LRRTM4: variants seen among roughly 807,000 people sequenced by gnomAD.
The protein encoded by LRRTM4 is leucine rich repeat transmembrane neuronal 4, also known as leucine-rich repeat transmembrane neuronal protein 4.
In LRRTM4, 25 loss-of-function variants were observed where a neutral mutation model predicts 47.6. The observed-to-expected ratio is 0.53, with a 90% CI of 0.38 to 0.73. The LOEUF is 0.73. LRRTM4 is among the 30% of genes least tolerant of loss of function. The pLI is 0.00. For missense variants in LRRTM4, 638 were observed against 713.4 expected, an observed-to-expected ratio of 0.89 and a Z score of 1.20; for synonymous variants, 311 against 269.5, an observed-to-expected ratio of 1.15 and a Z score of -1.51.
At chr2:77,135,871 A>G (rs1166203322) in intron 3 of LRRTM4, among the ~76,000 whole-genome samples, 1 of 152,244 alleles carries the variant, frequency 6.6e-6, no homozygotes, top group Non-Finnish European at 1.5e-5. Context: ...GAATAAATAA[A>G]TAAATTTTTA....
At chr2:76,753,688 G>A (rs1261666876) in intron 3 of LRRTM4, among the ~76,000 whole-genome samples, 1 of 152,026 alleles carries the variant, frequency 6.6e-6, no homozygotes, top group African/African-American at 2.4e-5. Flanking sequence ...GGACTATGTG[G>A]AGTTTCACAA....
At chr2:77,179,194 C>G (rs563312773) in intron 3 of LRRTM4, among the ~76,000 whole-genome samples, 17 of 152,208 alleles carry the variant, frequency 1.1e-4, no homozygotes, top group African/African-American at 3.6e-4. Flanking sequence ...AGAAGCAAAA[C>G]TTAGATCTTT....
intron 3 of LRRTM4, among the ~76,000 whole-genome samples, chr2:76,868,693 T>C (rs1037191950): frequency 1.1e-4 from 16 of 152,164 alleles, no homozygotes; most frequent in African/African-American, 3.9e-4. Context: ...TCAGTGGATT[T>C]GCAATAGGTA....
At chr2:77,103,589 C>G (rs1257561020) in intron 3 of LRRTM4, among the ~76,000 whole-genome samples, 2 of 149,116 alleles carry the variant, frequency 1.3e-5, no homozygotes, top group East Asian at 4.0e-4. Context: ...GCTAAAATTG[C>G]ATGTTGTTTT....
At chr2:76,880,650 A>G (rs944301517) in intron 3 of LRRTM4, among the ~76,000 whole-genome samples, 2 of 152,144 alleles carry the variant, frequency 1.3e-5, no homozygotes, top group East Asian at 1.9e-4. Context: ...CAAAACACAA[A>G]AAACCTCTGT....
At chr2:77,515,987 C>A (rs928496886) in intron 3 of LRRTM4, among the ~76,000 whole-genome samples, 1 of 151,726 alleles carries the variant, frequency 6.6e-6, no homozygotes. Context: ...TGTATGCTTT[C>A]GTTTTAAAAC....
intron 3 of LRRTM4, among the ~76,000 whole-genome samples, chr2:77,027,280 T>C (rs994239958): frequency 6.6e-6 from 1 of 152,166 alleles, no homozygotes; most frequent in Non-Finnish European, 1.5e-5. Context: ...GATGCTTTAA[T>C]CTGAGGATTA....
chr2:77,292,154 C>A (rs1202469388), intron 3 of LRRTM4, among the ~76,000 whole-genome samples: 10 of 151,312 alleles, frequency 6.6e-5, no homozygotes, highest in African/African-American at 2.4e-4. Context: ...GAGATACCAT[C>A]TCACACCAGT....
chr2:77,021,831 C>A (rs1558802828), intron 3 of LRRTM4, among the ~76,000 whole-genome samples: 1 of 152,068 alleles, frequency 6.6e-6, no homozygotes, highest in Non-Finnish European at 1.5e-5. Flanking sequence ...AGGTGCACAA[C>A]ATGATGATTT....
intron 3 of LRRTM4, among the ~76,000 whole-genome samples, chr2:76,849,714 C>T (rs1573208252): frequency 6.6e-6 from 1 of 151,934 alleles, no homozygotes; most frequent in African/African-American, 2.4e-5. Flanking sequence ...TCCTTTAAAA[C>T]AAATGCTTGC....
intron 3 of LRRTM4, among the ~76,000 whole-genome samples, chr2:76,845,553 G>C (rs573609592): frequency 6.6e-6 from 1 of 152,262 alleles, no homozygotes; most frequent in South Asian, 2.1e-4. Flanking sequence ...CTGGAGGCTG[G>C]AAAGGGATGG....
chr2:77,202,496 C>A (rs186543727), intron 3 of LRRTM4, among the ~76,000 whole-genome samples: 1 of 152,060 alleles, frequency 6.6e-6, no homozygotes. Flanking sequence ...TCAGTTACTT[C>A]TTTGGAAGTG....
At chr2:77,280,283 G>A (rs771716131) in intron 3 of LRRTM4, among the ~76,000 whole-genome samples, 13 of 151,938 alleles carry the variant, frequency 8.6e-5, no homozygotes, top group Non-Finnish European at 1.3e-4. Context: ...AGAGCCTCCC[G>A]AAGAAATGTG....
At chr2:76,889,061 G>A (rs548892751) in intron 3 of LRRTM4, among the ~76,000 whole-genome samples, 30 of 151,760 alleles carry the variant, frequency 2.0e-4, no homozygotes, top group African/African-American at 6.8e-4. Context: ...ACATCACAAA[G>A]GCTAAAAATC....
chr2:77,362,125 G>GAAAGAAAGA (rs574393546), intron 3 of LRRTM4, among the ~76,000 whole-genome samples: 1,473 of 120,082 alleles, frequency 0.012, 13 homozygotes, highest in Middle Eastern at 0.035. Flanking sequence ...GAGAAAGAAA[G>GAAAGAAAGA]AAAGAAAGAA....
intron 3 of LRRTM4, among the ~76,000 whole-genome samples, chr2:77,434,923 G>A (rs1675531203): frequency 6.6e-6 from 1 of 151,920 alleles, no homozygotes; most frequent in Non-Finnish European, 1.5e-5. Flanking sequence ...TATATTGAAG[G>A]TTGTGTTTCC....
intron 3 of LRRTM4, among the ~76,000 whole-genome samples, chr2:77,382,341 A>G (rs982012584): frequency 2.1e-4 from 32 of 152,132 alleles, no homozygotes; most frequent in African/African-American, 6.5e-4. Flanking sequence ...AATTTCTCCC[A>G]GAAACCCTGC....
chr2:76,861,415 C>G (rs1672308179), intron 3 of LRRTM4, among the ~76,000 whole-genome samples: 1 of 152,032 alleles, frequency 6.6e-6, no homozygotes, highest in South Asian at 2.1e-4. Flanking sequence ...TCACTTACCT[C>G]CAAGACGAAT....
At chr2:77,126,673 G>A (rs960534062) in intron 3 of LRRTM4, among the ~76,000 whole-genome samples, 2 of 152,184 alleles carry the variant, frequency 1.3e-5, no homozygotes, top group Non-Finnish European at 2.9e-5. Context: ...GTGACATAGG[G>A]GTCTTGTCAG....
Sources: allele counts gnomAD v4.1 joint callset (sites outside exome capture counted in the v4.1 genomes callset), GRCh38; gene constraint gnomAD v4.1.1; transcripts MANE v1.5; gene names NCBI Gene and HGNC (gene_info 2026-07-23, HGNC 2026-07-21).